Variants in TXNDC11 observed in about 807,000 individuals in gnomAD.
TXNDC11 encodes thioredoxin domain-containing protein 11.
A neutral mutation model predicts 78.0 loss-of-function variants in TXNDC11; 68 were observed. That is an observed-to-expected ratio of 0.87 (90% CI 0.72 to 1.07). TXNDC11 has a LOEUF of 1.07. Among genes scored for constraint, TXNDC11 ranks in the 50% least tolerant of loss-of-function variants. TXNDC11 has a pLI of 0.00. For missense variants in TXNDC11, 1,389 were observed against 1,221.8 expected (o/e 1.14, Z -2.04); for synonymous variants, 571 against 495.2 (o/e 1.15, Z -2.03).
Position 11,742,684 on chromosome 16 carries a change from T to C in TXNDC11, c.47A>G (p.Asp16Gly). 1 of 1,475,112 alleles carries C rather than the reference T, an allele frequency of 6.8e-7. No homozygotes were observed. The highest frequency in any genetic ancestry group is 8.9e-7 in the Non-Finnish European group (1 of 1,120,896). 91.4% of individuals were successfully genotyped at this position (1,475,112 alleles called of 1,614,324 possible). The change falls in exon 1 of 12, where the codon GAC becomes GGC. Residue 16 changes from aspartate (D) to glycine (G), a missense_variant. Asp to Gly is a moderately conservative substitution (Grantham distance 94). Transcript: ENST00000283033. ...GRGGGSSSSE[D>G]AEDEGGGGGG... ...GCCGCCCCCTCCCTCGTCCTCGGCG[T>C]CCTCGCTGCTGCTGCTGCCGCCGCC...
chr16:11,686,841 T>G (rs2050579411), intron 10 of TXNDC11, among the ~76,000 whole-genome samples: 1 of 152,252 alleles, frequency 6.6e-6, no homozygotes, highest in African/African-American at 2.4e-5. Context: ...GATTTAATCC[T>G]GGCCCCTCAT....
intron 10 of TXNDC11, among the ~76,000 whole-genome samples, chr16:11,685,670 AAAC>A (rs1416888114): frequency 1.3e-5 from 2 of 152,034 alleles, no homozygotes; most frequent in South Asian, 2.1e-4. Context: ...CAAAAACAAA[AAAC>A]AACAACAGCA....
intron 5 of TXNDC11, among the ~76,000 whole-genome samples, chr16:11,711,744 C>G (rs1333177748): frequency 3.9e-5 from 6 of 152,144 alleles, no homozygotes; most frequent in East Asian, 1.9e-4. Context: ...TTTTAAGGAG[C>G]CCTTATGAGC....
intron 4 of TXNDC11, among the ~76,000 whole-genome samples, chr16:11,722,679 C>A (rs2051745620): frequency 6.6e-6 from 1 of 152,126 alleles, no homozygotes; most frequent in East Asian, 1.9e-4. Flanking sequence ...GCCTGATGAA[C>A]CGTAAAGCAC....
rs776343750 is a variant in TXNDC11 at position 11,742,645 on chromosome 16, C to A, written c.86G>T (p.Gly29Val). The change falls in exon 1 of 12, where the codon GGC (glycine) becomes GTC (valine). Residue 29 changes from glycine (G) to valine (V), a missense_variant. Physicochemically the swap from Gly to Val is moderately radical, Grantham distance 109. Transcript: ENST00000283033. ...DEGGGGGGPA[G>V]SDCLSSSPTL... ...CGGGCTCGAGCTGAGGCAGTCTGAG[C>A]CCGCGGGGCCGCCGCCGCCCCCTCC... 3 of 1,459,822 alleles carry A rather than the reference C, an allele frequency of 2.1e-6. No individual in the cohort carries two copies. Among genetic ancestry groups the A allele is most frequent in the South Asian group, 1.3e-5 (1 of 76,062 alleles). 90.4% of individuals were successfully genotyped at this position (1,459,822 alleles called of 1,614,324 possible).
At chr16:11,726,972 GA>G (rs2051899307) in intron 4 of TXNDC11, among the ~76,000 whole-genome samples, 1 of 152,092 alleles carries the variant, frequency 6.6e-6, no homozygotes, top group Admixed American at 6.6e-5. Context: ...AGAATCACCT[GA>G]ACCCAGGAGG....
At chr16:11,710,183 T>A (rs946574785) in intron 5 of TXNDC11, among the ~76,000 whole-genome samples, 1 of 142,166 alleles carries the variant, frequency 7.0e-6, no homozygotes, top group African/African-American at 2.5e-5. Context: ...ACTTCCCTTG[T>A]ATGCACTTCA....
chr16:11,716,922 T>A (rs1314726056), intron 5 of TXNDC11, among the ~76,000 whole-genome samples: 1 of 151,980 alleles, frequency 6.6e-6, no homozygotes, highest in Non-Finnish European at 1.5e-5. Context: ...GAAAAATATG[T>A]TCTGTAGTTA....
At chr16:11,728,231 A>G (rs941219729) in intron 4 of TXNDC11, among the ~76,000 whole-genome samples, 9 of 152,186 alleles carry the variant, frequency 5.9e-5, no homozygotes, top group African/African-American at 2.2e-4. Flanking sequence ...TGTGAAACTG[A>G]TACATTTTCT....
At chr16:11,739,922 G>A (rs760603841) in intron 1 of TXNDC11, among the ~76,000 whole-genome samples, 5 of 151,898 alleles carry the variant, frequency 3.3e-5, no homozygotes, top group South Asian at 2.1e-4. Flanking sequence ...GGCCAGGCGC[G>A]GTGGCTCACA....
chr16:11,729,198 T>G (rs2051972236), intron 4 of TXNDC11, among the ~76,000 whole-genome samples: 1 of 152,196 alleles, frequency 6.6e-6, no homozygotes, highest in South Asian at 2.1e-4. Context: ...AGGCCCCTGA[T>G]GCCCAGGAAG....
intron 4 of TXNDC11, 31 bp downstream of exon 4, chr16:11,730,614 G>A: frequency 6.2e-7 from 1 of 1,609,534 alleles, no homozygotes; most frequent in Non-Finnish European, 8.5e-7. Flanking sequence ...AAGGCCTTGA[G>A]TATGGAGGAG....
Position 11,742,523 on chromosome 16 carries a change from C to T in TXNDC11, c.208G>A (p.Val70Met). ...AGGAGCAGCGCGCAGCCGAGCGCCA[C>T]GGCCCCGCAGAGCAGCTCCGGCCGC... ...RQRPELLCGA[V>M]ALGCALLLAL... Residue 70 changes from valine (V) to methionine (M), a missense_variant, in exon 1 of 12, where the codon GTG (valine) becomes ATG (methionine). Physicochemically the swap from Val to Met is conservative, Grantham distance 21 (BLOSUM62 1). Transcript: ENST00000283033. 2 of 1,457,674 alleles carry T rather than the reference C, an allele frequency of 1.4e-6. No individual in the cohort carries two copies. Among genetic ancestry groups the T allele is most frequent in the Admixed American group, 2.6e-5 (1 of 38,300 alleles). 90.3% of individuals were successfully genotyped at this position (1,457,674 alleles called of 1,614,324 possible). A position where few individuals can be genotyped will look rare whatever the true frequency, so the allele number is the denominator to read the frequency against.
In TXNDC11 at chr16:11,679,314, C is replaced by T. The variant is rs1567282867; in HGVS notation, c.2758G>A (p.Val920Ile). The change falls in exon 12 of 12, where the codon GTC (valine) becomes ATC (isoleucine). Residue 920 changes from valine (V) to isoleucine (I), a missense_variant. Coordinates refer to ENST00000283033, the MANE Select transcript of TXNDC11 (RefSeq NM_015914.7). This position sits in a 1 kb window ranked among gnomAD's most constrained non-coding sequence, Gnocchi z 4.6. ...GAESLAAQRE[V>I]HPKQPEPSAT... ...GAGGGCTCAGGCTGCTTGGGGTGGA[C>T]CTCTCTCTGGGCCGCCAGGCTTTCA... 56 of 1,612,438 alleles carry T rather than the reference C, an allele frequency of 3.5e-5. No individual in the cohort carries two copies. Among genetic ancestry groups the T allele is most frequent in the Non-Finnish European group, 4.5e-5 (53 of 1,179,718 alleles).
chr16:11,707,334 A>C (rs1330710168), intron 5 of TXNDC11, among the ~76,000 whole-genome samples: 1 of 150,708 alleles, frequency 6.6e-6, no homozygotes. Flanking sequence ...CAGGAGAATC[A>C]CTTAAATGTG....
rs1358669049 is a variant in TXNDC11 at position 11,736,250 on chromosome 16, A to G, written c.255-17T>C. 5 of 1,564,894 alleles carry G rather than the reference A, an allele frequency of 3.2e-6. No individual in the cohort carries two copies. The highest frequency in any genetic ancestry group is 1.8e-5 in the Admixed American group (1 of 54,784). On this transcript the variant is annotated splice_polypyrimidine_tract_variant and intron_variant, in intron 1 of 11. Coordinates refer to ENST00000283033, the MANE Select transcript of TXNDC11 (RefSeq NM_015914.7). ...TTTGCTCGACTAAAAAAGAGCAAACACAGAAAAGATTGCTTAGTTTATCTT... is the reference window on the plus strand; with the variant it reads ...TTTGCTCGACTAAAAAAGAGCAAACGCAGAAAAGATTGCTTAGTTTATCTT...
intron 5 of TXNDC11, among the ~76,000 whole-genome samples, chr16:11,707,846 G>A (rs2051228257): frequency 6.6e-6 from 1 of 152,068 alleles, no homozygotes; most frequent in Non-Finnish European, 1.5e-5. Context: ...GTTTTGAGAG[G>A]CTGAGGCAGG....
intron 5 of TXNDC11, among the ~76,000 whole-genome samples, chr16:11,704,810 T>G (rs1383193125): frequency 6.6e-6 from 1 of 152,110 alleles, no homozygotes; most frequent in Non-Finnish European, 1.5e-5. Flanking sequence ...GATCCCAGAC[T>G]GGATCCTGAA....
intron 7 of TXNDC11, among the ~76,000 whole-genome samples, chr16:11,696,041 A>G (rs2050850020): frequency 6.7e-6 from 1 of 150,150 alleles, no homozygotes; most frequent in Admixed American, 6.6e-5. Flanking sequence ...AAAAAAAAAG[A>G]GAAGACAAAG....
Sources: allele counts gnomAD v4.1 joint callset (sites outside exome capture counted in the v4.1 genomes callset), GRCh38; gene constraint gnomAD v4.1.1; non-coding constraint Gnocchi (gnomAD v3.1); transcripts MANE v1.5; gene names NCBI Gene and HGNC (gene_info 2026-07-23, HGNC 2026-07-21).